Variants in PDPK1 observed in about 807,000 individuals in gnomAD.
PDPK1 encodes 3-phosphoinositide dependent protein kinase 1, also known as 3-phosphoinositide-dependent protein kinase 1.
PDPK1 carries 7 observed loss-of-function variants against 39.8 expected under a neutral mutation model. The ratio of observed to expected loss-of-function variants is 0.18; its 90% CI spans 0.10 to 0.33. The LOEUF (loss-of-function observed/expected upper bound fraction) is 0.33. Among genes scored for constraint, PDPK1 ranks in the 10% least tolerant of loss-of-function variants. The pLI, the probability that PDPK1 is intolerant of heterozygous loss-of-function variation, is 1.00. For synonymous variants in PDPK1, 118 were observed against 159.1 expected (o/e 0.74, Z 1.95); for missense variants, 182 against 384.7 (o/e 0.47, Z 4.41).
Position 2,602,584 on chromosome 16 carries a change from G to T in PDPK1, c.*4817G>T, listed in dbSNP as rs1597086740. 1 of 234,632 alleles carries T rather than the reference G, an allele frequency of 4.3e-6. No homozygotes were observed. The highest frequency in any genetic ancestry group is 2.2e-5 in the African/African-American group (1 of 45,216). The allele number at this position is 234,632 out of a possible 1,614,324, so 14.5% of individuals were successfully genotyped here. A position where few individuals can be genotyped will look rare whatever the true frequency, so the allele number is the denominator to read the frequency against. On this transcript the variant is annotated 3_prime_UTR_variant, in exon 14 of 14. Coordinates refer to ENST00000342085, the MANE Select transcript of PDPK1 (RefSeq NM_002613.5). ...AATAGGGGTCATTGTGCTGGTAAAA[G>T]CCTCTATTACGACTGTAAGTAAGTT...
At position 2,538,025 on chromosome 16, in the gene PDPK1, C is replaced by A; in HGVS notation, c.-88C>A. 3.7e-6 allele frequency: 2 copies of A among 534,440 alleles called. No individual in the cohort carries two copies. Among genetic ancestry groups the A allele is most frequent in the Non-Finnish European group, 4.8e-6 (2 of 413,912 alleles). The allele number at this position is 534,440 out of a possible 1,614,324, so 33.1% of individuals were successfully genotyped here. On this transcript the variant is annotated 5_prime_UTR_variant, in exon 1 of 14. The change creates a new upstream start codon in the 5' untranslated region. Coordinates refer to ENST00000342085, the MANE Select transcript of PDPK1 (RefSeq NM_002613.5). ...GGGCGCAGGATGAGGGCGGCCATTG[C>A]TGGGGCTCCGCTTCGGGGAGGAGGA...
At chr16:2,592,283 G>A (rs887734970) in intron 11 of PDPK1, among the ~76,000 whole-genome samples, 1 of 152,192 alleles carries the variant, frequency 6.6e-6, no homozygotes, top group Non-Finnish European at 1.5e-5. Flanking sequence ...GCAGAGGTGG[G>A]GAGAGGTGTC....
chr16:2,546,365 G>A (rs1299148995), intron 1 of PDPK1, among the ~76,000 whole-genome samples: 2 of 134,736 alleles, frequency 1.5e-5, no homozygotes, highest in East Asian at 4.7e-4. Context: ...ACAGAGTCTC[G>A]CTCTGTCGCC....
intron 11 of PDPK1, among the ~76,000 whole-genome samples, chr16:2,590,945 G>A (rs931980395): frequency 6.6e-6 from 1 of 151,620 alleles, no homozygotes; most frequent in African/African-American, 2.4e-5. Flanking sequence ...TACTGCACCA[G>A]GCCAAAAGTC....
chr16:2,540,043 C>A lies in PDPK1; in HGVS notation c.24+1907C>A, dbSNP rs150799963. On this transcript the variant is annotated intron_variant, in intron 1 of 13. Transcript: ENST00000342085. ...CGTTTTGCATCTGTCAGCTGGATTC[C>A]CCCATGTGTACGTATGTGAGAACAT... is the stretch of plus-strand genomic sequence containing the variant. Among the ~76,000 whole-genome samples, 693 of 152,326 alleles carry A rather than the reference C, an allele frequency of 4.5e-3. 1 individual carries two copies. The highest frequency in any genetic ancestry group is 0.014 in the Middle Eastern group (4 of 294).
At chr16:2,545,634 A>G (rs1156878441) in intron 1 of PDPK1, among the ~76,000 whole-genome samples, 1 of 151,882 alleles carries the variant, frequency 6.6e-6, no homozygotes, top group Non-Finnish European at 1.5e-5. Flanking sequence ...AGCTAGGATT[A>G]CAGGCGCCCA....
intron 4 of PDPK1, chr16:2,562,696 G>A (rs1334516436): frequency 6.6e-6 from 1 of 152,154 alleles, no homozygotes; most frequent in Admixed American, 6.6e-5. Context: ...GAGGCTTCCC[G>A]GCAGCAAGAT....
chr16:2,597,388 C>A lies in PDPK1; in HGVS notation c.1554+113C>A. 1.0e-6 allele frequency: 1 copy of A among 984,200 alleles called. No individual in the cohort carries two copies. Among genetic ancestry groups the A allele is most frequent in the Non-Finnish European group, 1.5e-6 (1 of 653,334 alleles). The allele number at this position is 984,200 out of a possible 1,614,324, so 61.0% of individuals were successfully genotyped here. On this transcript the variant is annotated intron_variant, in intron 13 of 13. Coordinates refer to ENST00000342085, the MANE Select transcript of PDPK1 (RefSeq NM_002613.5). This position sits in a 1 kb window ranked among gnomAD's most constrained non-coding sequence, Gnocchi z 6.3. ...GAGCAGCGGGGATCGGGGCAGCTGCCTCGCCCTTTCCGACATCCCAGACGC... is the reference window on the plus strand; with the variant it reads ...GAGCAGCGGGGATCGGGGCAGCTGCATCGCCCTTTCCGACATCCCAGACGC...
intron 11 of PDPK1, among the ~76,000 whole-genome samples, chr16:2,590,682 G>A (rs954956656): frequency 6.6e-6 from 1 of 152,226 alleles, no homozygotes; most frequent in Non-Finnish European, 1.5e-5. Context: ...ACAACTGCCT[G>A]TATTTATGTC....
At chr16:2,544,880 T>C (rs1209970626) in intron 1 of PDPK1, among the ~76,000 whole-genome samples, 1 of 151,980 alleles carries the variant, frequency 6.6e-6, no homozygotes, top group East Asian at 1.9e-4. Flanking sequence ...CCACCACACC[T>C]GGCCCAAAAT....
rs570363309 is a variant in PDPK1 at position 2,595,028 on chromosome 16, T to C, written c.1344-765T>C. 2.0e-4 allele frequency among the ~76,000 whole-genome samples: 31 copies of C among 151,968 alleles called. No homozygotes were observed. The South Asian group carries it at 6.4e-3, about 32-fold the overall frequency. On this transcript the variant is annotated intron_variant, in intron 11 of 13. Coordinates refer to ENST00000342085, the MANE Select transcript of PDPK1 (RefSeq NM_002613.5). ...GTCCCAGCTATTCGGGAGGCTGAGG[T>C]GGGAAAATGGCTTGAGCGCAGGAGA...
chr16:2,586,057 G>A (rs1273400005), intron 10 of PDPK1, among the ~76,000 whole-genome samples: 3 of 152,180 alleles, frequency 2.0e-5, no homozygotes, highest in Admixed American at 6.5e-5. Context: ...CGCTTGGCAC[G>A]TTTATGAGTG....
At chr16:2,589,570 C>T (rs180780933) in intron 11 of PDPK1, among the ~76,000 whole-genome samples, 5 of 152,000 alleles carry the variant, frequency 3.3e-5, no homozygotes, top group Admixed American at 1.3e-4. Context: ...CACCTGTAGT[C>T]CTAGCTGCTT....
chr16:2,585,004 C>T (rs1435689127), intron 10 of PDPK1, among the ~76,000 whole-genome samples: 1 of 152,198 alleles, frequency 6.6e-6, no homozygotes, highest in Non-Finnish European at 1.5e-5. Context: ...AGGTTTTGCT[C>T]GCGACTGGCT....
At chr16:2,544,218 T>C (rs1450544564) in intron 1 of PDPK1, among the ~76,000 whole-genome samples, 1 of 152,192 alleles carries the variant, frequency 6.6e-6, no homozygotes, top group Non-Finnish European at 1.5e-5. Flanking sequence ...GGTTACAAAG[T>C]GTTTCTACCT....
chr16:2,589,696 GA>G (rs530064221), intron 11 of PDPK1, among the ~76,000 whole-genome samples: 5,540 of 74,562 alleles, frequency 0.074, 261 homozygotes, highest in African/African-American at 0.19. Flanking sequence ...CTCAAAATTG[GA>G]AAAAAAAAAA....
chr16:2,585,685 C>G (rs993634772), intron 10 of PDPK1, among the ~76,000 whole-genome samples: 1 of 152,208 alleles, frequency 6.6e-6, no homozygotes, highest in Non-Finnish European at 1.5e-5. Context: ...GGGCCGGCAG[C>G]GTCGGGCGTT....
At chr16:2,595,889 T>A in intron 12 of PDPK1, 39 bp downstream of exon 12, 2 of 1,520,680 alleles carry the variant, frequency 1.3e-6, no homozygotes, top group South Asian at 1.1e-5. Context: ...CACGGACACC[T>A]GCATCTTCCC....
At chr16:2,542,593 G>A (rs918084870) in intron 1 of PDPK1, among the ~76,000 whole-genome samples, 3 of 152,200 alleles carry the variant, frequency 2.0e-5, no homozygotes, top group African/African-American at 4.8e-5. Context: ...GCCCCCTGCA[G>A]AATAAACAAG....
Sources: allele counts gnomAD v4.1 joint callset (sites outside exome capture counted in the v4.1 genomes callset), GRCh38; gene constraint gnomAD v4.1.1; non-coding constraint Gnocchi (gnomAD v3.1); transcripts MANE v1.5; gene names NCBI Gene and HGNC (gene_info 2026-07-23, HGNC 2026-07-21).